The following AATK variants were observed in gnomAD, a reference collection of about 807,000 sequenced individuals.
AATK encodes the protein lemur tail kinase 1, also known as serine/threonine-protein kinase LMTK1.
A neutral mutation model predicts 114.3 loss-of-function variants in AATK; 91 were observed. The ratio of observed to expected loss-of-function variants is 0.80; its 90% CI spans 0.67 to 0.95. AATK has a LOEUF of 0.95. Ranked by LOEUF, AATK falls within the 40% of genes least tolerant of loss-of-function variation. The pLI, the probability that AATK is intolerant of heterozygous loss-of-function variation, is 0.00. For synonymous variants in AATK, 1,075 were observed against 916.5 expected (o/e 1.17, Z -3.12); for missense variants, 2,176 against 1,965.2 (o/e 1.11, Z -2.03).
chr17:81,152,723 A>G (rs1355216309), intron 1 of AATK, among the ~76,000 whole-genome samples: 1 of 152,220 alleles, frequency 6.6e-6, no homozygotes, highest in Non-Finnish European at 1.5e-5. Context: ...GAGCTGAGCT[A>G]TCCTTGGGGA....
chr17:81,136,933 C>A (rs528423690), intron 1 of AATK, among the ~76,000 whole-genome samples: 19 of 152,224 alleles, frequency 1.2e-4, no homozygotes, highest in African/African-American at 4.6e-4. Context: ...AGCGGCTGTC[C>A]GAAGCTCCAG....
At position 81,126,911 on chromosome 17, in the gene AATK, C is replaced by T. The variant is rs1336858557; in HGVS notation, c.622-351G>A. 3 of 1,058,610 alleles carry T rather than the reference C, an allele frequency of 2.8e-6. No individual in the cohort carries two copies. The highest frequency in any genetic ancestry group is 5.2e-5 in the East Asian group (1 of 19,156). The allele number at this position is 1,058,610 out of a possible 1,614,324, so 65.6% of individuals were successfully genotyped here. A position where few individuals can be genotyped will look rare whatever the true frequency, so the allele number is the denominator to read the frequency against. The stretch of plus-strand genomic sequence containing the variant: ...GGTTGGCCGGCAGCCCCTGACCTGC[C>T]GAAAGCCCAGCCCCGGGACGGTCAA... On this transcript the variant is annotated intron_variant, in intron 6 of 13. Transcript: ENST00000326724. This position sits in a 1 kb window ranked among gnomAD's most constrained non-coding sequence, Gnocchi z 5.1.
At chr17:81,151,583 G>T (rs2061299840) in intron 1 of AATK, among the ~76,000 whole-genome samples, 1 of 152,094 alleles carries the variant, frequency 6.6e-6, no homozygotes, top group Non-Finnish European at 1.5e-5. Context: ...CAGGACAAAG[G>T]CTGTGTCCAA....
Position 81,122,238 on chromosome 17 carries a change from G to A in AATK, c.1698C>T (p.Gly566=), listed in dbSNP as rs1414146145. Residue 566 remains glycine (G), a synonymous_variant, in exon 11 of 14, where the codon GGC becomes GGT. Transcript: ENST00000326724. ...CCATGGCCAGCGAGGCGGCGGTGCT[G>A]CCGTCAGAGTCGTCGTCCTGGTCCG... is the stretch of plus-strand genomic sequence containing the variant. The part of the protein sequence containing the change: ...ATADQDDDSD[G]STAASLAMEP... 3 of 1,493,734 alleles carry A rather than the reference G, an allele frequency of 2.0e-6. No individual in the cohort carries two copies. Among genetic ancestry groups the A allele is most frequent in the East Asian group, 2.5e-5 (1 of 39,504 alleles). 92.5% of individuals were successfully genotyped at this position (1,493,734 alleles called of 1,614,324 possible).
At chr17:81,154,820 G>GTT in intron 1 of AATK, among the ~76,000 whole-genome samples, 1 of 109,936 alleles carries the variant, frequency 9.1e-6, no homozygotes, top group African/African-American at 5.3e-5. Flanking sequence ...AGTAGAGACG[G>GTT]GGTTTCAACA....
intron 1 of AATK, among the ~76,000 whole-genome samples, chr17:81,138,126 C>T (rs577827724): frequency 1.9e-4 from 28 of 150,938 alleles, no homozygotes; most frequent in Admixed American, 1.5e-3. Context: ...AGACATACCC[C>T]ACACACACAT....
chr17:81,148,914 T>A (rs777962173), intron 1 of AATK, among the ~76,000 whole-genome samples: 18 of 151,862 alleles, frequency 1.2e-4, no homozygotes, highest in Non-Finnish European at 2.5e-4. Flanking sequence ...AGTGAGGAGC[T>A]TGGGAATAGC....
chr17:81,140,999 T>TGGGG lies in AATK; in HGVS notation c.56-6499_56-6498insCCCC, dbSNP rs2061128941. ...GTGGGGACTGTGAACTGTGGGGCCG[T>TGGGG]AAGCCGTGGGGCCCATGAGCCGTGG... is the stretch of plus-strand genomic sequence containing the variant. On this transcript the variant is annotated intron_variant, in intron 1 of 13. Transcript: ENST00000326724. Among the ~76,000 whole-genome samples the TGGGG allele has an allele frequency of 7.4e-5, 9 of 121,398 alleles. No homozygotes were observed. In the South Asian group the frequency reaches 2.5e-3, roughly 34 times the overall value. 79.6% of individuals were successfully genotyped at this position (121,398 alleles called of 152,430 possible).
intron 1 of AATK, among the ~76,000 whole-genome samples, chr17:81,157,877 C>T (rs1229810827): frequency 1.3e-5 from 2 of 152,242 alleles, no homozygotes; most frequent in Admixed American, 6.5e-5. Flanking sequence ...TGTCCCCCAA[C>T]ACCTTGGCCC....
intron 1 of AATK, among the ~76,000 whole-genome samples, chr17:81,158,454 C>A (rs1182549817): frequency 3.3e-5 from 5 of 152,242 alleles, no homozygotes; most frequent in Non-Finnish European, 5.9e-5. Context: ...GCTCCTGCCG[C>A]AAGTGCTCTC....
At position 81,121,180 on chromosome 17, in the gene AATK, A is replaced by T. The variant is rs779865729; in HGVS notation, c.2756T>A (p.Val919Asp). 6.2e-7 allele frequency: 1 copy of T among 1,602,420 alleles called. No homozygotes were observed. Among genetic ancestry groups the T allele is most frequent in the Non-Finnish European group, 8.5e-7 (1 of 1,175,104 alleles). ...PSSASDGGYE[V>D]FSPSATGPSG... ...GGGGCCAGTGGCCGACGGGCTGAAG[A>T]CCTCATAGCCACCATCACTGGCTGA... The change falls in exon 11 of 14, where the codon GTC becomes GAC. Residue 919 changes from valine (V) to aspartate (D), a missense_variant. By Grantham distance (152) the Val-to-Asp change is radical. Around this residue, in one of 4 missense-constraint regions of AATK, gnomAD observed 1,701 missense variants for 1,394.7 expected, o/e 1.22. Coordinates refer to ENST00000326724, the MANE Select transcript of AATK (RefSeq NM_001080395.3).
intron 1 of AATK, among the ~76,000 whole-genome samples, chr17:81,160,691 G>A (rs559480802): frequency 6.6e-6 from 1 of 152,352 alleles, no homozygotes; most frequent in East Asian, 1.9e-4. Flanking sequence ...CCCCACGGCA[G>A]GTGCTTTGCA....
chr17:81,124,646 T>G, intron 9 of AATK, 81 bp downstream of exon 9: 1 of 1,573,840 alleles, frequency 6.4e-7, no homozygotes, highest in East Asian at 2.3e-5. Flanking sequence ...CTGACCTCAC[T>G]ACTCATGGCC....
chr17:81,165,189 C>G (rs545967462), intron 1 of AATK, among the ~76,000 whole-genome samples: 2 of 152,356 alleles, frequency 1.3e-5, no homozygotes, highest in South Asian at 2.1e-4. Context: ...AAGCCCACTG[C>G]TTCCTGGTGA....
intron 1 of AATK, among the ~76,000 whole-genome samples, chr17:81,139,463 T>C (rs2061089406): frequency 1.0e-5 from 1 of 95,544 alleles, no homozygotes; most frequent in African/African-American, 3.3e-5. Context: ...TGAAACTTCT[T>C]GAAAGCCCAT....
chr17:81,157,484 C>T (rs1365007484), intron 1 of AATK, among the ~76,000 whole-genome samples: 1 of 152,176 alleles, frequency 6.6e-6, no homozygotes, highest in African/African-American at 2.4e-5. Flanking sequence ...CTGCAGGGAA[C>T]CCCCGCACAG....
In AATK at chr17:81,127,845, A is replaced by G; in HGVS notation, c.480T>C (p.Ala160=). The G allele has an allele frequency of 6.5e-7, 1 of 1,547,044 alleles. No individual in the cohort carries two copies. The highest frequency in any genetic ancestry group is 2.4e-5 in the East Asian group (1 of 40,904). The change falls in exon 5 of 14, where the codon GCT becomes GCC. Residue 160 remains alanine (A), a synonymous_variant. Transcript: ENST00000326724. The part of the protein sequence containing the change: ...SAQVVVKELQ[A]SASVQEQMQF... The stretch of plus-strand genomic sequence containing the variant: ...GCATCTGCTCCTGCACGCTGGCACT[A>G]GCCTGCAGCTCCTTCACCACCACCT...
Position 81,123,280 on chromosome 17 carries a change from C to G in AATK, c.1026G>C (p.Ser342=), listed in dbSNP as rs867234301. ...ELGTQPYPQH[S]DQQVLAYTVR... ...CCGTGTACGCCAGCACCTGCTGGTC[C>G]GAGTGCTGGGGATAGGGCTGCGTGC... Residue 342 remains serine, a synonymous_variant, in exon 10 of 14, where the codon TCG becomes TCC. Transcript: ENST00000326724. 5 of 1,403,716 alleles carry G rather than the reference C, an allele frequency of 3.6e-6. No individual in the cohort carries two copies. Among genetic ancestry groups the G allele is most frequent in the Non-Finnish European group, 4.6e-6 (5 of 1,077,962 alleles). The allele number at this position is 1,403,716 out of a possible 1,614,324, so 87.0% of individuals were successfully genotyped here. A position where few individuals can be genotyped will look rare whatever the true frequency, so the allele number is the denominator to read the frequency against.
Position 81,122,430 on chromosome 17 carries a change from C to G in AATK, c.1506G>C (p.Leu502=). ...ATLSPGRTAR[L]QELCAPDGAP... ...CGCCGTCGGGGGCGCACAGCTCCTGCAGGCGTGCGGTGCGGCCAGGGCTCA... is the reference window on the plus strand; with the variant it reads ...CGCCGTCGGGGGCGCACAGCTCCTGGAGGCGTGCGGTGCGGCCAGGGCTCA... The change falls in exon 11 of 14, where the codon CTG becomes CTC. Residue 502 remains leucine (L), a synonymous_variant. Coordinates refer to ENST00000326724, the MANE Select transcript of AATK (RefSeq NM_001080395.3). 1 of 1,456,760 alleles carries G rather than the reference C, an allele frequency of 6.9e-7. No homozygotes were observed. 90.2% of individuals were successfully genotyped at this position (1,456,760 alleles called of 1,614,324 possible).
Sources: gnomAD v4.1 joint callset for allele counts (sites outside exome capture counted in the v4.1 genomes callset) on GRCh38, gnomAD v4.1.1 for gene constraint, gnomAD v4.1.1 regional missense constraint, Gnocchi (gnomAD v3.1) non-coding constraint, MANE v1.5 for transcripts, NCBI Gene and HGNC (gene_info 2026-07-23, HGNC 2026-07-21) for gene names.